The following ZEB1 variants were observed in gnomAD, a reference collection of about 807,000 sequenced individuals.
The protein encoded by ZEB1 is zinc finger E-box binding homeobox 1, also known as zinc finger E-box-binding homeobox 1.
In ZEB1, 21 loss-of-function variants were observed where a neutral mutation model predicts 84.9. The observed-to-expected ratio is 0.25, with a 90% CI of 0.18 to 0.36. The LOEUF (loss-of-function observed/expected upper bound fraction) is 0.36. Among genes scored for constraint, ZEB1 ranks in the 10% least tolerant of loss-of-function variants. The probability of loss-of-function intolerance (pLI) is 1.00; values close to 1 mark genes in which losing one functional copy is unlikely to be tolerated. For missense variants in ZEB1, 1,104 were observed against 1,330.2 expected, an observed-to-expected ratio of 0.83 and a Z score of 2.65; for synonymous variants, 420 against 471.1, an observed-to-expected ratio of 0.89 and a Z score of 1.41.
chr10:31,456,221 C>CA (rs2061204891), intron 1 of ZEB1, among the ~76,000 whole-genome samples: 1 of 152,090 alleles, frequency 6.6e-6, no homozygotes, highest in African/African-American at 2.4e-5. Context: ...AACACATGGA[C>CA]ATAGGAAGGG....
At chr10:31,386,825 TTTATAA>T (rs2048719149) in intron 1 of ZEB1, among the ~76,000 whole-genome samples, 1 of 152,196 alleles carries the variant, frequency 6.6e-6, no homozygotes, top group Non-Finnish European at 1.5e-5. Context: ...TAAAATGGAA[TTTATAA>T]TTATGATCAT....
At chr10:31,350,058 G>A (rs956418742) in intron 1 of ZEB1, among the ~76,000 whole-genome samples, 1 of 152,050 alleles carries the variant, frequency 6.6e-6, no homozygotes, top group African/African-American at 2.4e-5. Flanking sequence ...CGGGTTTCAT[G>A]TTTAAGTATT....
chr10:31,319,706 T>A (rs1416772014), intron 1 of ZEB1: 1 of 172,726 alleles, frequency 5.8e-6, no homozygotes, highest in Non-Finnish European at 1.2e-5. Flanking sequence ...GGCGCCTCCC[T>A]CTCCCCCTCC....
At chr10:31,510,213 T>C (rs1416566187) in intron 4 of ZEB1, among the ~76,000 whole-genome samples, 1 of 152,200 alleles carries the variant, frequency 6.6e-6, no homozygotes, top group African/African-American at 2.4e-5. Flanking sequence ...AGTTTCATTT[T>C]CAAAATCAGA....
chr10:31,474,938 A>G (rs1173411414), intron 2 of ZEB1, among the ~76,000 whole-genome samples: 2 of 152,136 alleles, frequency 1.3e-5, no homozygotes, highest in East Asian at 3.9e-4. Context: ...GGAAATCATC[A>G]TTCTCAGTAA....
intron 4 of ZEB1, among the ~76,000 whole-genome samples, chr10:31,503,986 A>G (rs904705017): frequency 2.2e-5 from 3 of 138,640 alleles, no homozygotes; most frequent in Admixed American, 1.4e-4. Flanking sequence ...TAATTTGCAG[A>G]TATTCACTCT....
chr10:31,507,537 T>C (rs1286229828), intron 4 of ZEB1, among the ~76,000 whole-genome samples: 1 of 152,004 alleles, frequency 6.6e-6, no homozygotes, highest in African/African-American at 2.4e-5. Flanking sequence ...TTTTATTCTT[T>C]TTTCTCTTAC....
intron 1 of ZEB1, chr10:31,373,100 G>T (rs2045994223): frequency 4.1e-6 from 4 of 985,232 alleles, no homozygotes; most frequent in Non-Finnish European, 4.8e-6. Flanking sequence ...TTTGTGATTT[G>T]GCTACTGTCT....
chr10:31,381,958 A>G lies in ZEB1; in HGVS notation c.58+62666A>G, dbSNP rs371160782. ...CCCAGGTGGCAGGGGTTGCAGTGAGATGAGATTGTGCCACTGCACTCCAGA... is the reference window on the plus strand; with the variant it reads ...CCCAGGTGGCAGGGGTTGCAGTGAGGTGAGATTGTGCCACTGCACTCCAGA... On this transcript the variant is annotated intron_variant, in intron 1 of 8. Coordinates refer to ENST00000424869, the MANE Select transcript of ZEB1 (RefSeq NM_001174096.2). 14 of 136,566 alleles carry G rather than the reference A, an allele frequency of 1.0e-4. No individual in the cohort carries two copies. The East Asian group carries it at 1.3e-3, about 12-fold the overall frequency. 8.5% of individuals were successfully genotyped at this position (136,566 alleles called of 1,614,324 possible).
At chr10:31,359,701 C>T (rs187570494) in intron 1 of ZEB1, among the ~76,000 whole-genome samples, 239 of 152,238 alleles carry the variant, frequency 1.6e-3, no homozygotes, top group Middle Eastern at 0.014. Flanking sequence ...TAGATACTTC[C>T]TGAATTTTTT....
chr10:31,460,892 TGTC>T, intron 1 of ZEB1, 142 bp from the exon 2 acceptor site: 1 of 721,270 alleles, frequency 1.4e-6, no homozygotes, highest in South Asian at 1.7e-5. Context: ...ATATGTGTGT[TGTC>T]AAATAAATTA....
chr10:31,384,058 C>G (rs369677231), intron 1 of ZEB1, among the ~76,000 whole-genome samples: 3 of 146,718 alleles, frequency 2.0e-5, no homozygotes, highest in African/African-American at 7.5e-5. Context: ...ACTGCAGCCT[C>G]ACCACCTCCT....
At chr10:31,430,040 C>CA (rs2136231156) in intron 1 of ZEB1, among the ~76,000 whole-genome samples, 1 of 152,232 alleles carries the variant, frequency 6.6e-6, no homozygotes, top group East Asian at 1.9e-4. Context: ...CACGCCCAGC[C>CA]ATAGGCAGAA....
chr10:31,467,818 G>T (rs1487043953), intron 2 of ZEB1, among the ~76,000 whole-genome samples: 1 of 152,024 alleles, frequency 6.6e-6, no homozygotes, highest in African/African-American at 2.4e-5. Flanking sequence ...CATGAGAATA[G>T]ACTAGGAAGG....
intron 1 of ZEB1, chr10:31,373,302 A>G (rs1398260615): frequency 3.5e-6 from 3 of 849,904 alleles, no homozygotes; most frequent in African/African-American, 3.7e-5. Context: ...TGAATTTTAT[A>G]TGTCTGTCAC....
chr10:31,378,569 T>C (rs1171935239), intron 1 of ZEB1, among the ~76,000 whole-genome samples: 15 of 151,554 alleles, frequency 9.9e-5, no homozygotes, highest in Admixed American at 2.6e-4. Flanking sequence ...TAATATTAAA[T>C]ATTAACATGC....
At position 31,500,495 on chromosome 10, in the gene ZEB1, T is replaced by C. The variant is rs2067967907; in HGVS notation, c.323-1853T>C. 3.3e-5 allele frequency among the ~76,000 whole-genome samples: 5 copies of C among 152,172 alleles called. No individual in the cohort carries two copies. The South Asian group carries it at 1.0e-3, about 32-fold the overall frequency. On this transcript the variant is annotated intron_variant, in intron 3 of 8. Coordinates refer to ENST00000424869, the MANE Select transcript of ZEB1 (RefSeq NM_001174096.2). ...ATACCCCCATTTCAGTTGTGCTTTA[T>C]GCCTAATAGAAATTCATGTAAACAG...
rs1200921855 is a variant in ZEB1, at chr10:31,521,205, G to A, written c.1873G>A (p.Val625Ile). 7 of 1,614,076 alleles carry A rather than the reference G, an allele frequency of 4.3e-6. No individual in the cohort carries two copies. The highest frequency in any genetic ancestry group is 2.2e-5 in the East Asian group (1 of 44,854). Residue 625 changes from valine to isoleucine, a missense_variant, in exon 7 of 9, where the codon GTA becomes ATA. Val to Ile is a conservative substitution (Grantham distance 29). This residue lies in a region of ZEB1 where 531 missense variants were observed against 575.2 expected (regional missense o/e 0.92). Coordinates refer to ENST00000424869, the MANE Select transcript of ZEB1 (RefSeq NM_001174096.2). The part of the protein sequence containing the change: ...IADSVNLPLD[V>I]VKKWFEKMQA... Reference sequence around the variant, plus strand: ...TGATTCAGTAAACCTACCACTGGATGTAGTAAAAAAGTGGTTTGAAAAGAT... The same window carrying A: ...TGATTCAGTAAACCTACCACTGGATATAGTAAAAAAGTGGTTTGAAAAGAT...
chr10:31,527,841 A>G lies in ZEB1; in HGVS notation c.*577A>G, dbSNP rs1214803202. The G allele has an allele frequency of 6.5e-6, 1 of 154,252 alleles. No homozygotes were observed. The highest frequency in any genetic ancestry group is 1.9e-4 in the East Asian group (1 of 5,228). The allele number at this position is 154,252 out of a possible 1,614,324, so 9.6% of individuals were successfully genotyped here. A position where few individuals can be genotyped will look rare whatever the true frequency, so the allele number is the denominator to read the frequency against. ...TAACTACCTTTTATAAATTCAGTCT[A>G]GAAGGTAGTAATTTCTAATATTTAG... On this transcript the variant is annotated 3_prime_UTR_variant, in exon 9 of 9. Transcript: ENST00000424869.
Sources: gnomAD v4.1 joint callset for allele counts (sites outside exome capture counted in the v4.1 genomes callset) on GRCh38, gnomAD v4.1.1 for gene constraint, gnomAD v4.1.1 regional missense constraint, MANE v1.5 for transcripts, NCBI Gene and HGNC (gene_info 2026-07-23, HGNC 2026-07-21) for gene names.